Variants in NF2 observed in about 807,000 individuals in gnomAD.
NF2 encodes merlin.
NF2 carries 8 observed loss-of-function variants against 83.7 expected under a neutral mutation model. The observed-to-expected ratio is 0.10, with a 90% CI of 0.06 to 0.17. NF2 has a LOEUF of 0.17. NF2 is among the 10% of genes least tolerant of loss of function. NF2 has a pLI of 1.00. For synonymous variants in NF2, 266 were observed against 269.6 expected (o/e 0.99, Z 0.13); for missense variants, 533 against 744.4 (o/e 0.72, Z 3.31).
At chr22:29,685,964 T>C (rs2067260427) in intron 15 of NF2, among the ~76,000 whole-genome samples, 1 of 152,218 alleles carries the variant, frequency 6.6e-6, no homozygotes, top group African/African-American at 2.4e-5. Flanking sequence ...TCTTTTTTTT[T>C]TTTTATTATA....
chr22:29,694,437 T>A lies in NF2; in HGVS notation c.1738-315T>A, dbSNP rs916577324. Among the ~76,000 whole-genome samples, 1 of 152,192 alleles carries A rather than the reference T, an allele frequency of 6.6e-6. No individual in the cohort carries two copies. Among genetic ancestry groups the A allele is most frequent in the Non-Finnish European group, 1.5e-5 (1 of 68,032 alleles). ...GCTCAGGGACCTTGGTAGATGGGAA[T>A]GTGAGAATCTATTAAAATAGGCAGG... On this transcript the variant is annotated intron_variant, in intron 15 of 15. Coordinates refer to ENST00000338641, the MANE Select transcript of NF2 (RefSeq NM_000268.4). The surrounding 1 kb of genome is among the most constrained non-coding windows in gnomAD (Gnocchi z 4.1).
chr22:29,693,545 C>T (rs2067462943), intron 15 of NF2, among the ~76,000 whole-genome samples: 1 of 152,130 alleles, frequency 6.6e-6, no homozygotes, highest in Admixed American at 6.5e-5. Flanking sequence ...CATGCAGACT[C>T]GAGGGGTCCA....
intron 1 of NF2, among the ~76,000 whole-genome samples, chr22:29,607,724 A>G (rs749727795): frequency 2.0e-5 from 3 of 152,200 alleles, no homozygotes; most frequent in Non-Finnish European, 4.4e-5. Context: ...ACTGGCCTAT[A>G]TATATATTCA....
chr22:29,666,293 A>G, intron 9 of NF2, among the ~76,000 whole-genome samples: 1 of 151,874 alleles, frequency 6.6e-6, no homozygotes, highest in Non-Finnish European at 1.5e-5. Context: ...GGCGGCCACT[A>G]CCACGCCCGG....
At chr22:29,639,466 C>A (rs1044880592) in intron 3 of NF2, among the ~76,000 whole-genome samples, 2 of 152,202 alleles carry the variant, frequency 1.3e-5, no homozygotes, top group African/African-American at 4.8e-5. Flanking sequence ...TAACTTAAAA[C>A]CTCCTTGAAA....
chr22:29,628,797 G>A (rs1453156019), intron 1 of NF2, among the ~76,000 whole-genome samples: 2 of 151,800 alleles, frequency 1.3e-5, no homozygotes, highest in African/African-American at 2.4e-5. Context: ...CGCCCAACTA[G>A]TTTTTGTATT....
chr22:29,694,761 C>T lies in NF2; in HGVS notation c.1747C>T (p.Gln583Ter). 1 of 1,613,906 alleles carries T rather than the reference C, an allele frequency of 6.2e-7. No homozygotes were observed. The highest frequency in any genetic ancestry group is 2.2e-5 in the East Asian group (1 of 44,874). Reference sequence around the variant, plus strand: ...CTCTGCTTTCTTACAGCTCACCTTGCAGAGCGCCAAGTCCCGAGTGGCCTT... The same window carrying T: ...CTCTGCTTTCTTACAGCTCACCTTGTAGAGCGCCAAGTCCCGAGTGGCCTT... Reference protein sequence around the residue: ...KHNTIKKLTLQSAKSRVAFFE... With the variant: ...KHNTIKKLTL The change falls in exon 16 of 16, where the codon CAG (glutamine) becomes TAG (stop). Residue 583 changes from glutamine (Q) to a stop codon, truncating the protein, a stop_gained. Transcript: ENST00000338641. LOFTEE classifies it high-confidence loss of function. The surrounding 1 kb of genome is among the most constrained non-coding windows in gnomAD (Gnocchi z 4.1).
intron 1 of NF2, among the ~76,000 whole-genome samples, chr22:29,624,799 C>CTCTTTCTTTCTTTCTATCTTTCTT (rs1555983529): frequency 8.6e-6 from 1 of 116,636 alleles, no homozygotes; most frequent in African/African-American, 3.3e-5. Context: ...TTGAAGGGTC[C>CTCTTTCTTTCTTTCTATCTTTCTT]TCTTTCTTTC....
rs1268389923 is a variant in NF2, at chr22:29,697,972, C to T, written c.*3170C>T. 1 of 226,794 alleles carries T rather than the reference C, an allele frequency of 4.4e-6. No individual in the cohort carries two copies. The highest frequency in any genetic ancestry group is 8.8e-6 in the Non-Finnish European group (1 of 113,988). 14.0% of individuals were successfully genotyped at this position (226,794 alleles called of 1,614,324 possible). On this transcript the variant is annotated 3_prime_UTR_variant, in exon 16 of 16. Coordinates refer to ENST00000338641, the MANE Select transcript of NF2 (RefSeq NM_000268.4). The stretch of plus-strand genomic sequence containing the variant: ...CTGACCATGGTGGTTTCATTACGAG[C>T]CCTTCTGCTGGCTCTCAGGCAGAAG...
At position 29,695,449 on chromosome 22, in the gene NF2, A is replaced by G. The variant is rs781112228; in HGVS notation, c.*647A>G. ...TGGCTGGGGAGAGACTTTAGGCAGAAGCTGTGATGCAGGCTGACTGCCAGC... is the reference window on the plus strand; with the variant it reads ...TGGCTGGGGAGAGACTTTAGGCAGAGGCTGTGATGCAGGCTGACTGCCAGC... On this transcript the variant is annotated 3_prime_UTR_variant, in exon 16 of 16. Coordinates refer to ENST00000338641, the MANE Select transcript of NF2 (RefSeq NM_000268.4). This position sits in a 1 kb window ranked among gnomAD's most constrained non-coding sequence, Gnocchi z 5.4. The G allele has an allele frequency of 2.4e-5, 6 of 251,890 alleles. No individual in the cohort carries two copies. The highest frequency in any genetic ancestry group is 4.7e-5 in the Non-Finnish European group (6 of 127,948). The allele number at this position is 251,890 out of a possible 1,614,324, so 15.6% of individuals were successfully genotyped here. A position where few individuals can be genotyped will look rare whatever the true frequency, so the allele number is the denominator to read the frequency against.
At chr22:29,629,584 C>T (rs886702831) in intron 1 of NF2, among the ~76,000 whole-genome samples, 2 of 152,306 alleles carry the variant, frequency 1.3e-5, no homozygotes, top group African/African-American at 2.4e-5. Context: ...TCTGAAATAA[C>T]GGCAGACACG....
chr22:29,675,170 AG>A (rs1370814619), intron 13 of NF2, among the ~76,000 whole-genome samples: 1 of 152,266 alleles, frequency 6.6e-6, no homozygotes, highest in Admixed American at 6.5e-5. Flanking sequence ...AACAGGCAAC[AG>A]GGCCTTTTCC....
chr22:29,690,905 C>T (rs1316100318), intron 15 of NF2, among the ~76,000 whole-genome samples: 1 of 152,152 alleles, frequency 6.6e-6, no homozygotes, highest in African/African-American at 2.4e-5. Flanking sequence ...CTGCGGGACT[C>T]CCATGGTTGG....
At chr22:29,693,543 C>A (rs538818957) in intron 15 of NF2, among the ~76,000 whole-genome samples, 1 of 152,270 alleles carries the variant, frequency 6.6e-6, no homozygotes, top group Admixed American at 6.5e-5. Flanking sequence ...CACATGCAGA[C>A]TCGAGGGGTC....
Position 29,628,364 on chromosome 22 carries a change from C to A in NF2, c.115-8387C>A, listed in dbSNP as rs118033470. 1.2e-3 allele frequency among the ~76,000 whole-genome samples: 183 copies of A among 152,102 alleles called. 4 individuals carry two copies. The South Asian group carries it at 0.024, about 20-fold the overall frequency. On this transcript the variant is annotated intron_variant, in intron 1 of 15. Transcript: ENST00000338641. ...GATAGATCTTAGAAAGGTCTAGTTA[C>A]AAATAAATGGAAGCACATAAGTTTG...
rs1045886371 is a variant in NF2 at position 29,672,873 on chromosome 22, G to A, written c.1123-396G>A. Among the ~76,000 whole-genome samples the A allele has an allele frequency of 4.6e-5, 7 of 151,992 alleles. No homozygotes were observed. The East Asian group carries it at 1.3e-3, about 29-fold the overall frequency. Reference sequence around the variant, plus strand: ...GACCTCAGGTGATCTGCCCGCCTCAGCCTCCCAAAAGGCTGGGATTATAGG... The same window carrying A: ...GACCTCAGGTGATCTGCCCGCCTCAACCTCCCAAAAGGCTGGGATTATAGG... On this transcript the variant is annotated intron_variant, in intron 11 of 15. Transcript: ENST00000338641.
At chr22:29,644,250 G>A (rs1346996886) in intron 4 of NF2, among the ~76,000 whole-genome samples, 2 of 149,938 alleles carry the variant, frequency 1.3e-5, no homozygotes, top group Non-Finnish European at 3.0e-5. Context: ...ACGGGGTGGC[G>A]GCCGGGCAGA....
intron 7 of NF2, 88 bp downstream of exon 7, chr22:29,658,352 A>G: frequency 9.0e-7 from 1 of 1,117,108 alleles, no homozygotes; most frequent in East Asian, 2.4e-5. Flanking sequence ...CTTCATTCCA[A>G]GGCGATAGAC....
At chr22:29,653,977 T>A in intron 4 of NF2, among the ~76,000 whole-genome samples, 1 of 127,452 alleles carries the variant, frequency 7.8e-6, no homozygotes, top group Non-Finnish European at 1.9e-5. Flanking sequence ...ACTTGAGTTT[T>A]CTAGGAAAGG....
Sources: allele counts gnomAD v4.1 joint callset (sites outside exome capture counted in the v4.1 genomes callset), GRCh38; gene constraint gnomAD v4.1.1; non-coding constraint Gnocchi (gnomAD v3.1); transcripts MANE v1.5; gene names NCBI Gene and HGNC (gene_info 2026-07-23, HGNC 2026-07-21).